The following DEK variants were observed in gnomAD, a reference collection of about 807,000 sequenced individuals.
DEK encodes protein DEK.
In DEK, 28 loss-of-function variants were observed where a neutral mutation model predicts 46.8. The observed-to-expected ratio is 0.60, with a 90% CI of 0.44 to 0.82. The LOEUF (loss-of-function observed/expected upper bound fraction) is 0.82, where lower values mean the gene tolerates loss of function less well. Ranked by LOEUF, DEK falls within the 40% of genes least tolerant of loss-of-function variation. DEK has a pLI of 0.00. For synonymous variants in DEK, 160 were observed against 144.5 expected, an observed-to-expected ratio of 1.11 and a Z score of -0.77; for missense variants, 416 against 430.6, an observed-to-expected ratio of 0.97 and a Z score of 0.30.
intron 7 of DEK, among the ~76,000 whole-genome samples, chr6:18,246,908 A>T (rs1174737933): frequency 6.6e-6 from 1 of 152,256 alleles, no homozygotes; most frequent in Non-Finnish European, 1.5e-5. Flanking sequence ...TTTATCAAAG[A>T]AAAATCTGTG....
intron 5 of DEK, among the ~76,000 whole-genome samples, 171 bp from the exon 6 acceptor site, chr6:18,256,022 T>C (rs1006836636): frequency 6.6e-6 from 1 of 152,020 alleles, no homozygotes; most frequent in Non-Finnish European, 1.5e-5. Flanking sequence ...AGTTTCGCTC[T>C]TGTTGCCCAG....
intron 7 of DEK, chr6:18,244,701 T>G (rs1791034669): frequency 2.1e-6 from 1 of 477,820 alleles, no homozygotes; most frequent in Non-Finnish European, 3.5e-6. Context: ...GGAAAGAATG[T>G]GCAAGTCTAG....
chr6:18,237,918 G>A (rs1347121704), intron 7 of DEK, among the ~76,000 whole-genome samples: 1 of 140,018 alleles, frequency 7.1e-6, no homozygotes, highest in African/African-American at 2.7e-5. Flanking sequence ...CCTGGCTGGA[G>A]TGCAGTGGCC....
At chr6:18,260,129 AT>A (rs1335220276) in intron 2 of DEK, among the ~76,000 whole-genome samples, 1 of 152,156 alleles carries the variant, frequency 6.6e-6, no homozygotes, top group Non-Finnish European at 1.5e-5. Context: ...CAAGTCCCTT[AT>A]TTTTTAAAAA....
In DEK at chr6:18,257,945, G is replaced by A. The variant is rs1791672508; in HGVS notation, c.357+8C>T. The A allele has an allele frequency of 6.3e-7, 1 of 1,576,732 alleles. No individual in the cohort carries two copies. The highest frequency in any genetic ancestry group is 1.9e-5 in the Admixed American group (1 of 52,296). On this transcript the variant is annotated splice_region_variant and intron_variant, in intron 4 of 10. Transcript: ENST00000652689. ...TACAAGTAGGTTTAAAGTGTAAAAA[G>A]GTCTTACAGTGCCTGGCCTGTTGTA...
At chr6:18,233,650 C>A (rs1790508644) in intron 9 of DEK, among the ~76,000 whole-genome samples, 1 of 152,288 alleles carries the variant, frequency 6.6e-6, no homozygotes, top group South Asian at 2.1e-4. Flanking sequence ...CAAGGAGATA[C>A]CATGTCACAC....
At chr6:18,245,904 T>G (rs986866193) in intron 7 of DEK, among the ~76,000 whole-genome samples, 4 of 152,248 alleles carry the variant, frequency 2.6e-5, no homozygotes, top group African/African-American at 9.6e-5. Context: ...CTCATGACAG[T>G]GAAACAGTCT....
intron 6 of DEK, among the ~76,000 whole-genome samples, chr6:18,250,485 C>CA (rs1016850370): frequency 1.7e-4 from 25 of 147,286 alleles, no homozygotes; most frequent in Middle Eastern, 3.8e-3. Flanking sequence ...ACACAAAAAG[C>CA]AAAAAACAAA....
At chr6:18,242,534 T>G (rs758965613) in intron 7 of DEK, among the ~76,000 whole-genome samples, 6 of 152,150 alleles carry the variant, frequency 3.9e-5, no homozygotes, top group Non-Finnish European at 7.3e-5. Flanking sequence ...TGTGATGAAA[T>G]CTCATGTCAT....
At chr6:18,259,288 G>C (rs1032847540) in intron 2 of DEK, among the ~76,000 whole-genome samples, 1 of 150,246 alleles carries the variant, frequency 6.7e-6, no homozygotes, top group Non-Finnish European at 1.5e-5. Flanking sequence ...CCAGCTACTT[G>C]GGAGGCTGAG....
chr6:18,236,350 C>G, intron 9 of DEK, 102 bp downstream of exon 9: 1 of 1,288,202 alleles, frequency 7.8e-7, no homozygotes, highest in South Asian at 1.4e-5. Flanking sequence ...ATAAATCTTT[C>G]TTCAATAAGT....
At chr6:18,236,326 C>T in intron 9 of DEK, 126 bp downstream of exon 9, 1 of 977,452 alleles carries the variant, frequency 1.0e-6, no homozygotes, top group Non-Finnish European at 1.5e-6. Context: ...GGAGATCTGG[C>T]ATATAGTAGT....
At chr6:18,255,959 A>C (rs1428729914) in intron 5 of DEK, 108 bp from the exon 6 acceptor site, 1 of 1,293,002 alleles carries the variant, frequency 7.7e-7, no homozygotes, top group Non-Finnish European at 1.0e-6. Context: ...ACATACATTT[A>C]AAAAAGTGGC....
chr6:18,255,360 T>C (rs1308820331), intron 6 of DEK, among the ~76,000 whole-genome samples: 1 of 152,200 alleles, frequency 6.6e-6, no homozygotes, highest in African/African-American at 2.4e-5. Context: ...CTCCCTATTT[T>C]GTCTTCACTT....
chr6:18,259,664 G>A (rs993419974), intron 2 of DEK, among the ~76,000 whole-genome samples: 1 of 151,862 alleles, frequency 6.6e-6, no homozygotes, highest in African/African-American at 2.4e-5. Flanking sequence ...AAAGAAATGA[G>A]ACATAAATAT....
chr6:18,242,599 T>C (rs1171899664), intron 7 of DEK, among the ~76,000 whole-genome samples: 3 of 151,580 alleles, frequency 2.0e-5, no homozygotes, highest in Non-Finnish European at 2.9e-5. Context: ...ATATCCACAC[T>C]GTAGATGCTC....
intron 9 of DEK, among the ~76,000 whole-genome samples, chr6:18,233,650 C>G (rs1790508644): frequency 6.6e-6 from 1 of 152,170 alleles, no homozygotes; most frequent in Admixed American, 6.5e-5. Context: ...CAAGGAGATA[C>G]CATGTCACAC....
Position 18,258,062 on chromosome 6 carries a change from C to T in DEK, c.248G>A (p.Gly83Glu). 1 of 1,585,212 alleles carries T rather than the reference C, an allele frequency of 6.3e-7. No homozygotes were observed. Among genetic ancestry groups the T allele is most frequent in the Non-Finnish European group, 8.6e-7 (1 of 1,169,080 alleles). ...LQREPFTIAQ[G>E]KGQKLCEIER... ...AATTTCACAAAGTTTCTGCCCCTTT[C>T]CTGGGGAAAAAAAAAAATCACAATT... Residue 83 changes from glycine to glutamate, a missense_variant and splice_region_variant, in exon 4 of 11, where the codon GGA becomes GAA. Coordinates refer to ENST00000652689, the MANE Select transcript of DEK (RefSeq NM_003472.4).
intron 9 of DEK, among the ~76,000 whole-genome samples, chr6:18,228,515 G>C (rs214500): frequency 2.0e-5 from 3 of 151,852 alleles, no homozygotes; most frequent in Non-Finnish European, 2.9e-5. Context: ...GGGGCTTGTC[G>C]GACGGTGGGT....
Sources: gnomAD v4.1 joint callset for allele counts (sites outside exome capture counted in the v4.1 genomes callset) on GRCh38, gnomAD v4.1.1 for gene constraint, MANE v1.5 for transcripts, NCBI Gene and HGNC (gene_info 2026-07-23, HGNC 2026-07-21) for gene names.